Variants in EYS observed in about 807,000 individuals in gnomAD.
EYS encodes EGF-like photoreceptor maintenance factor.
A neutral mutation model predicts 282.1 loss-of-function variants in EYS; 250 were observed. The observed-to-expected ratio is 0.89, with a 90% CI of 0.80 to 0.98. The LOEUF is 0.98. EYS is among the 50% of genes least tolerant of loss of function. The pLI, the probability that EYS is intolerant of heterozygous loss-of-function variation, is 0.00. For synonymous variants in EYS, 1,355 were observed against 1,282.9 expected (o/e 1.06, Z -1.20); for missense variants, 4,016 against 3,709.0 (o/e 1.08, Z -2.15).
At position 65,018,711 on chromosome 6, in the gene EYS, G is replaced by GT. The variant is rs895099288; in HGVS notation, c.2138-21009dup. Among the ~76,000 whole-genome samples, 292 of 151,494 alleles carry GT rather than the reference G, an allele frequency of 1.9e-3. 1 individual carries two copies. Among genetic ancestry groups the GT allele is most frequent in the African/African-American group, 6.2e-3 (258 of 41,368 alleles). On this transcript the variant is annotated intron_variant, in intron 13 of 42. Coordinates refer to ENST00000503581, the MANE Select transcript of EYS (RefSeq NM_001142800.2). ...TTTTGGTTTGTTTGTTTGTTTAGAA[G>GT]TTTTTTTTTAAAAGACCATGTTCTT...
chr6:64,722,380 G>T (rs1771613050), intron 22 of EYS, among the ~76,000 whole-genome samples: 1 of 152,010 alleles, frequency 6.6e-6, no homozygotes, highest in Admixed American at 6.5e-5. Context: ...ACAGCCCAAG[G>T]CAACAGAGTA....
chr6:63,858,195 C>T (rs1772442160), intron 36 of EYS, among the ~76,000 whole-genome samples: 1 of 152,098 alleles, frequency 6.6e-6, no homozygotes, highest in African/African-American at 2.4e-5. Flanking sequence ...TAGCAACAAA[C>T]AACCATAAAG....
chr6:64,365,494 A>T (rs192838069), intron 29 of EYS, among the ~76,000 whole-genome samples: 2 of 151,936 alleles, frequency 1.3e-5, no homozygotes, highest in South Asian at 4.1e-4. Context: ...TGGGAGTAAG[A>T]CAACGTATAA....
At chr6:63,921,345 C>T (rs577125639) in intron 35 of EYS, among the ~76,000 whole-genome samples, 1 of 152,328 alleles carries the variant, frequency 6.6e-6, no homozygotes, top group South Asian at 2.1e-4. Context: ...TGGCTCTGTC[C>T]ATGTTGTGCT....
chr6:65,361,643 CT>C (rs1293331316), intron 8 of EYS, among the ~76,000 whole-genome samples: 2 of 152,052 alleles, frequency 1.3e-5, no homozygotes, highest in Non-Finnish European at 2.9e-5. Context: ...ACCACCATGA[CT>C]GGCTATTTAC....
intron 20 of EYS, 111 bp from the exon 21 acceptor site, chr6:64,821,834 T>C (rs1044305600): frequency 1.4e-5 from 8 of 578,668 alleles, no homozygotes; most frequent in Middle Eastern, 8.6e-4. Flanking sequence ...AAAAAAGCAC[T>C]CCCATGAGCA....
At chr6:63,786,745 G>T (rs1036201068) in intron 39 of EYS, among the ~76,000 whole-genome samples, 2 of 152,100 alleles carry the variant, frequency 1.3e-5, no homozygotes, top group Admixed American at 6.5e-5. Context: ...TTCCAAATCT[G>T]GGAGGCTTGT....
intron 33 of EYS, among the ~76,000 whole-genome samples, chr6:64,061,158 T>G (rs1340994972): frequency 2.0e-5 from 3 of 152,162 alleles, no homozygotes; most frequent in Non-Finnish European, 2.9e-5. Flanking sequence ...GCTATGTGCC[T>G]TTAAAACATG....
intron 26 of EYS, among the ~76,000 whole-genome samples, chr6:64,506,588 G>C (rs1388146180): frequency 6.6e-6 from 1 of 152,092 alleles, no homozygotes; most frequent in Non-Finnish European, 1.5e-5. Context: ...GTTCAAAGTA[G>C]CTTTACTTCC....
chr6:64,283,262 C>T (rs1768374985), intron 30 of EYS, among the ~76,000 whole-genome samples: 1 of 152,100 alleles, frequency 6.6e-6, no homozygotes, highest in Non-Finnish European at 1.5e-5. Flanking sequence ...CTTGTTCTGC[C>T]TAACTAACAT....
chr6:64,460,710 T>A (rs1316432579), intron 26 of EYS, among the ~76,000 whole-genome samples: 1 of 152,244 alleles, frequency 6.6e-6, no homozygotes, highest in African/African-American at 2.4e-5. Context: ...TTTGAAATCA[T>A]CAGCTTTAAT....
At chr6:64,532,408 G>T (rs1001504152) in intron 26 of EYS, among the ~76,000 whole-genome samples, 1 of 152,118 alleles carries the variant, frequency 6.6e-6, no homozygotes, top group African/African-American at 2.4e-5. Flanking sequence ...AAAATTACAG[G>T]AAACATTTAA....
intron 30 of EYS, among the ~76,000 whole-genome samples, chr6:64,242,742 T>C (rs1183880927): frequency 6.6e-6 from 1 of 151,202 alleles, no homozygotes; most frequent in East Asian, 1.9e-4. Context: ...CTTATGATTT[T>C]CATATGCTGA....
Position 65,344,114 on chromosome 6 carries a change from G to T in EYS, c.1523C>A (p.Thr508Asn). Residue 508 changes from threonine to asparagine, a missense_variant, in exon 10 of 43, where the codon ACT becomes AAT. Coordinates refer to ENST00000503581, the MANE Select transcript of EYS (RefSeq NM_001142800.2). Reference sequence around the variant, plus strand: ...ATCGTTCACATAGGTTGCATCTTCAGTGCAGTTTGCAGCCAGAAAGAAATA... The same window carrying T: ...ATCGTTCACATAGGTTGCATCTTCATTGCAGTTTGCAGCCAGAAAGAAATA... The part of the protein sequence containing the change: ...DAYFFLAANC[T>N]EDATYVNDPE... 1 of 1,610,080 alleles carries T rather than the reference G, an allele frequency of 6.2e-7. No homozygotes were observed. The highest frequency in any genetic ancestry group is 8.5e-7 in the Non-Finnish European group (1 of 1,177,298).
intron 33 of EYS, among the ~76,000 whole-genome samples, chr6:64,052,842 G>A (rs1390553788): frequency 6.6e-6 from 1 of 152,124 alleles, no homozygotes; most frequent in Non-Finnish European, 1.5e-5. Flanking sequence ...ACCCTGCGAA[G>A]AGGTGCCTTC....
intron 26 of EYS, among the ~76,000 whole-genome samples, chr6:64,457,930 T>G (rs949529839): frequency 6.6e-6 from 1 of 151,994 alleles, no homozygotes; most frequent in Non-Finnish European, 1.5e-5. Context: ...CTTTTTATTT[T>G]GTTTGTGTGT....
intron 31 of EYS, among the ~76,000 whole-genome samples, chr6:64,102,297 C>T (rs1168054971): frequency 6.6e-6 from 1 of 152,046 alleles, no homozygotes; most frequent in Non-Finnish European, 1.5e-5. Flanking sequence ...CTGAAACACA[C>T]TTAAGAAAAA....
At chr6:64,983,470 T>C (rs961492366) in intron 14 of EYS, among the ~76,000 whole-genome samples, 1 of 151,228 alleles carries the variant, frequency 6.6e-6, no homozygotes, top group African/African-American at 2.4e-5. Context: ...ACAACCAGTT[T>C]TCCCCCCACA....
At chr6:64,764,494 C>A (rs576106549) in intron 22 of EYS, among the ~76,000 whole-genome samples, 3 of 152,310 alleles carry the variant, frequency 2.0e-5, no homozygotes, top group Admixed American at 2.0e-4. Context: ...CTGGGCCCAG[C>A]CCACAAAACC....
Sources: gnomAD v4.1 joint callset for allele counts (sites outside exome capture counted in the v4.1 genomes callset) on GRCh38, gnomAD v4.1.1 for gene constraint, MANE v1.5 for transcripts, NCBI Gene and HGNC (gene_info 2026-07-23, HGNC 2026-07-21) for gene names.